The following GALNT18 variants were observed in gnomAD, a reference collection of about 807,000 sequenced individuals.
GALNT18 encodes GalNAc-transferase 18.
In GALNT18, 44 loss-of-function variants were observed where a neutral mutation model predicts 69.5. The observed-to-expected ratio is 0.63, with a 90% CI of 0.50 to 0.81. The LOEUF (loss-of-function observed/expected upper bound fraction) is 0.81. Ranked by LOEUF, GALNT18 falls within the 40% of genes least tolerant of loss-of-function variation. The pLI is 0.00. For missense variants in GALNT18, 715 were observed against 810.0 expected (o/e 0.88, Z 1.42); for synonymous variants, 364 against 318.2 (o/e 1.14, Z -1.53).
intron 3 of GALNT18, among the ~76,000 whole-genome samples, chr11:11,384,907 G>C (rs1854012182): frequency 6.6e-6 from 1 of 152,248 alleles, no homozygotes; most frequent in Non-Finnish European, 1.5e-5. Flanking sequence ...AGAGACACAG[G>C]AAGAGCATAT....
Position 11,341,017 on chromosome 11 carries a change from T to C in GALNT18, c.1093-13A>G. On this transcript the variant is annotated splice_polypyrimidine_tract_variant and intron_variant, in intron 6 of 10. Coordinates refer to ENST00000227756, the MANE Select transcript of GALNT18 (RefSeq NM_198516.3). This position sits in a 1 kb window ranked among gnomAD's most constrained non-coding sequence, Gnocchi z 6.3. ...CACACTGCCACACCTGCAGAAGACA[T>C]GGAGCCACTTGTCAGAGCCTGCCTG... is the stretch of plus-strand genomic sequence containing the variant. 6.3e-7 allele frequency: 1 copy of C among 1,581,602 alleles called. No homozygotes were observed. The highest frequency in any genetic ancestry group is 8.6e-7 in the Non-Finnish European group (1 of 1,160,078).
intron 6 of GALNT18, among the ~76,000 whole-genome samples, chr11:11,363,893 A>G (rs1850697301): frequency 6.6e-6 from 1 of 151,058 alleles, no homozygotes; most frequent in African/African-American, 2.5e-5. Flanking sequence ...GGAAGCCATT[A>G]AAGAGTCAAA....
intron 6 of GALNT18, chr11:11,352,963 C>T: frequency 6.2e-7 from 1 of 1,613,978 alleles, no homozygotes; most frequent in Non-Finnish European, 8.5e-7. Flanking sequence ...GCTTCAAATA[C>T]TTCACTGTAT....
intron 2 of GALNT18, among the ~76,000 whole-genome samples, chr11:11,433,396 T>G (rs1207572039): frequency 6.6e-6 from 1 of 152,200 alleles, no homozygotes; most frequent in Non-Finnish European, 1.5e-5. Flanking sequence ...CCAGTCTCAT[T>G]TCACAGACAG....
intron 9 of GALNT18, among the ~76,000 whole-genome samples, chr11:11,325,044 A>G (rs1156806599): frequency 6.6e-6 from 1 of 152,252 alleles, no homozygotes; most frequent in African/African-American, 2.4e-5. Flanking sequence ...TATGAAAAAG[A>G]TGCATGCACA....
intron 1 of GALNT18, among the ~76,000 whole-genome samples, chr11:11,609,392 C>T (rs1859835600): frequency 6.6e-6 from 1 of 152,238 alleles, no homozygotes; most frequent in Non-Finnish European, 1.5e-5. Flanking sequence ...CTCCGCCTGG[C>T]ACTCTCTTCC....
intron 5 of GALNT18, among the ~76,000 whole-genome samples, chr11:11,374,745 T>C (rs1853694024): frequency 6.6e-6 from 1 of 152,254 alleles, no homozygotes; most frequent in Admixed American, 6.5e-5. Flanking sequence ...AAATAGCTTA[T>C]GAGAAAATTT....
chr11:11,343,103 G>A (rs1461215055), intron 6 of GALNT18, among the ~76,000 whole-genome samples: 1 of 152,150 alleles, frequency 6.6e-6, no homozygotes, highest in Non-Finnish European at 1.5e-5. Context: ...CAGCACTTTG[G>A]GAGGCTGAGG....
rs1850130299 is a variant in GALNT18, at chr11:11,337,267, T to G, written c.1278+3552A>C. Among the ~76,000 whole-genome samples the G allele has an allele frequency of 6.6e-6, 1 of 152,174 alleles. No homozygotes were observed. Among genetic ancestry groups the G allele is most frequent in the Non-Finnish European group, 1.5e-5 (1 of 68,032 alleles). ...CTCACACTGCCAGCAAACTCACTCA[T>G]TAATAAGCGTTAGCAAGGCGTCACC... On this transcript the variant is annotated intron_variant, in intron 7 of 10. Coordinates refer to ENST00000227756, the MANE Select transcript of GALNT18 (RefSeq NM_198516.3). This position sits in a 1 kb window ranked among gnomAD's most constrained non-coding sequence, Gnocchi z 4.9.
chr11:11,344,493 T>TC (rs1437859499), intron 6 of GALNT18, among the ~76,000 whole-genome samples: 1 of 152,224 alleles, frequency 6.6e-6, no homozygotes, highest in Non-Finnish European at 1.5e-5. Context: ...CACCAAATTG[T>TC]CCCTTAGACA....
At chr11:11,407,306 A>C (rs557124268) in intron 3 of GALNT18, among the ~76,000 whole-genome samples, 1 of 152,328 alleles carries the variant, frequency 6.6e-6, no homozygotes, top group African/African-American at 2.4e-5. Flanking sequence ...GACCAGGCAA[A>C]AGGCTGGTGC....
At chr11:11,424,344 G>A (rs1855079168) in intron 3 of GALNT18, among the ~76,000 whole-genome samples, 1 of 152,166 alleles carries the variant, frequency 6.6e-6, no homozygotes, top group Admixed American at 6.5e-5. Context: ...GGAGAGTAGA[G>A]GAGATACAAG....
chr11:11,390,099 G>A (rs1180343741), intron 3 of GALNT18, among the ~76,000 whole-genome samples: 1 of 152,068 alleles, frequency 6.6e-6, no homozygotes, highest in Non-Finnish European at 1.5e-5. Context: ...ATGAGTCTAA[G>A]CTCCTGTAAA....
At chr11:11,475,653 G>T (rs1856377081) in intron 1 of GALNT18, 1 of 152,174 alleles carries the variant, frequency 6.6e-6, no homozygotes, top group Non-Finnish European at 1.5e-5. Flanking sequence ...CAACAATACT[G>T]CTAGCCAGCC....
In GALNT18 at chr11:11,511,025, C is replaced by T. The variant is rs1253110024; in HGVS notation, c.236-62089G>A. Among the ~76,000 whole-genome samples, 3 of 152,086 alleles carry T rather than the reference C, an allele frequency of 2.0e-5. No homozygotes were observed. The highest frequency in any genetic ancestry group is 4.4e-5 in the Non-Finnish European group (3 of 68,022). Reference sequence around the variant, plus strand: ...CACTCTTTCCTCTCGGCGGGGCGTGCAGCTGGTACCGCCTTCCACTTGACT... The same window carrying T: ...CACTCTTTCCTCTCGGCGGGGCGTGTAGCTGGTACCGCCTTCCACTTGACT... On this transcript the variant is annotated intron_variant, in intron 1 of 10. Transcript: ENST00000227756. The surrounding 1 kb of genome is among the most constrained non-coding windows in gnomAD (Gnocchi z 4.9).
intron 1 of GALNT18, among the ~76,000 whole-genome samples, chr11:11,501,039 T>C (rs1449404495): frequency 6.6e-6 from 1 of 152,222 alleles, no homozygotes; most frequent in Non-Finnish European, 1.5e-5. Context: ...CAGCCAAGCC[T>C]GGGCAGCACC....
intron 1 of GALNT18, among the ~76,000 whole-genome samples, chr11:11,507,825 G>C (rs1244978373): frequency 6.6e-6 from 1 of 152,152 alleles, no homozygotes; most frequent in Non-Finnish European, 1.5e-5. Context: ...CTAATCAGCT[G>C]CCAGTGTGGT....
chr11:11,326,619 C>T (rs1849924437), intron 9 of GALNT18, among the ~76,000 whole-genome samples: 1 of 152,166 alleles, frequency 6.6e-6, no homozygotes, highest in East Asian at 1.9e-4. Context: ...GAAAGAAGGA[C>T]CATGGCTATA....
chr11:11,391,004 C>T (rs1276436530), intron 3 of GALNT18, among the ~76,000 whole-genome samples: 1 of 152,202 alleles, frequency 6.6e-6, no homozygotes, highest in African/African-American at 2.4e-5. Flanking sequence ...GTGCCATTAC[C>T]TGCTCATCAG....
Sources: gnomAD v4.1 joint callset for allele counts (sites outside exome capture counted in the v4.1 genomes callset) on GRCh38, gnomAD v4.1.1 for gene constraint, Gnocchi (gnomAD v3.1) non-coding constraint, MANE v1.5 for transcripts, NCBI Gene and HGNC (gene_info 2026-07-23, HGNC 2026-07-21) for gene names.